LMBR1: variants seen among roughly 807,000 people sequenced by gnomAD.
The protein encoded by LMBR1 is limb development membrane protein 1.
A neutral mutation model predicts 73.9 loss-of-function variants in LMBR1; 52 were observed. That is an observed-to-expected ratio of 0.70 (90% CI 0.56 to 0.89). LMBR1 has a LOEUF of 0.89. Among genes scored for constraint, LMBR1 ranks in the 40% least tolerant of loss-of-function variants. The probability of loss-of-function intolerance (pLI) is 0.00; values close to 1 mark genes in which losing one functional copy is unlikely to be tolerated. For synonymous variants in LMBR1, 215 were observed against 209.4 expected, an observed-to-expected ratio of 1.03 and a Z score of -0.23; for missense variants, 539 against 579.8, an observed-to-expected ratio of 0.93 and a Z score of 0.72.
rs756783984 is a variant in LMBR1, at chr7:156,681,125, A to C, written c.*2953T>G. The stretch of plus-strand genomic sequence containing the variant: ...GTAAGAATTCTGCCTTTATGCATTA[A>C]ATAACGTGCTACCAACAAAACTAGC... On this transcript the variant is annotated 3_prime_UTR_variant, in exon 17 of 17. Transcript: ENST00000353442. 1 of 440,034 alleles carries C rather than the reference A, an allele frequency of 2.3e-6. No individual in the cohort carries two copies. 27.3% of individuals were successfully genotyped at this position (440,034 alleles called of 1,614,324 possible). A position where few individuals can be genotyped will look rare whatever the true frequency, so the allele number is the denominator to read the frequency against.
chr7:156,892,095 G>A (rs2134665149), intron 1 of LMBR1, among the ~76,000 whole-genome samples: 1 of 152,280 alleles, frequency 6.6e-6, no homozygotes, highest in East Asian at 1.9e-4. Context: ...AAACATCAAA[G>A]TAGACTTTCC....
chr7:156,724,875 A>G (rs2132379087), intron 14 of LMBR1, among the ~76,000 whole-genome samples: 1 of 151,858 alleles, frequency 6.6e-6, no homozygotes, highest in South Asian at 2.1e-4. Context: ...TTCAGCTCTT[A>G]TTAGTTATTC....
rs183846535 is a variant in LMBR1, at chr7:156,842,179, C to T, written c.67-5294G>A. ...CATACGGAGAGTGAGGGAAGAAGTG[C>T]TGCAGGGTAATAAGGAATCAGAGAG... On this transcript the variant is annotated intron_variant, in intron 1 of 16. Coordinates refer to ENST00000353442, the MANE Select transcript of LMBR1 (RefSeq NM_022458.4). Among the ~76,000 whole-genome samples the T allele has an allele frequency of 9.3e-5, 14 of 150,592 alleles. 2 individuals carry two copies. The highest frequency in any genetic ancestry group is 1.5e-4 in the Non-Finnish European group (10 of 67,556).
chr7:156,812,578 GTCTGA>G (rs1309756707), intron 4 of LMBR1, among the ~76,000 whole-genome samples: 1 of 152,166 alleles, frequency 6.6e-6, no homozygotes, highest in Non-Finnish European at 1.5e-5. Flanking sequence ...TCAGCCAACA[GTCTGA>G]AACCAAATTC....
chr7:156,792,197 G>T (rs971128176), intron 5 of LMBR1, among the ~76,000 whole-genome samples: 3 of 152,146 alleles, frequency 2.0e-5, no homozygotes, highest in African/African-American at 7.2e-5. Context: ...CAGCCAATCT[G>T]AGGTATGATA....
chr7:156,815,283 G>T (rs1833739271), intron 4 of LMBR1, among the ~76,000 whole-genome samples: 1 of 149,132 alleles, frequency 6.7e-6, no homozygotes, highest in Admixed American at 6.7e-5. Flanking sequence ...TTTCCTTAAA[G>T]AATTATTCTC....
At chr7:156,765,869 T>C (rs1211033246) in intron 5 of LMBR1, among the ~76,000 whole-genome samples, 2 of 152,172 alleles carry the variant, frequency 1.3e-5, no homozygotes, top group East Asian at 3.9e-4. Flanking sequence ...ACAGTGTTAA[T>C]AGTGTCTGAA....
chr7:156,739,806 T>A (rs1818565805), intron 9 of LMBR1, among the ~76,000 whole-genome samples: 1 of 152,104 alleles, frequency 6.6e-6, no homozygotes, highest in Admixed American at 6.5e-5. Flanking sequence ...CTGTGAAGAC[T>A]ACAATAAATA....
chr7:156,714,837 G>A (rs1812860545), intron 15 of LMBR1, among the ~76,000 whole-genome samples: 1 of 152,086 alleles, frequency 6.6e-6, no homozygotes, highest in African/African-American at 2.4e-5. Context: ...CATAAAGACT[G>A]ACTTACTAAA....
intron 5 of LMBR1, among the ~76,000 whole-genome samples, chr7:156,794,896 T>C (rs902729203): frequency 1.1e-4 from 16 of 152,068 alleles, no homozygotes; most frequent in African/African-American, 3.9e-4. Flanking sequence ...CTGCACAAAG[T>C]CTAAAATGCA....
In LMBR1 at chr7:156,893,011, G is replaced by C; in HGVS notation, c.-18C>G. 6.7e-7 allele frequency: 1 copy of C among 1,503,710 alleles called. No homozygotes were observed. Among genetic ancestry groups the C allele is most frequent in the Non-Finnish European group, 8.8e-7 (1 of 1,132,932 alleles). The allele number at this position is 1,503,710 out of a possible 1,614,324, so 93.1% of individuals were successfully genotyped here. ...CCTTCCATCCTCCTTCATGCCCGCCGCCGCGCCGCCCGCGTCCGCGTGCTC... is the reference window on the plus strand; with the variant it reads ...CCTTCCATCCTCCTTCATGCCCGCCCCCGCGCCGCCCGCGTCCGCGTGCTC... On this transcript the variant is annotated 5_prime_UTR_variant, in exon 1 of 17. Transcript: ENST00000353442.
intron 5 of LMBR1, among the ~76,000 whole-genome samples, chr7:156,792,629 C>T (rs1039945510): frequency 6.6e-6 from 1 of 152,170 alleles, no homozygotes; most frequent in African/African-American, 2.4e-5. Flanking sequence ...TATTGAAGGC[C>T]CTTAAAAGGA....
Position 156,779,042 on chromosome 7 carries a change from GGAA to G in LMBR1, c.424-15250_424-15248del, listed in dbSNP as rs895660557. Among the ~76,000 whole-genome samples the G allele has an allele frequency of 2.0e-5, 3 of 152,242 alleles. No homozygotes were observed. In the East Asian group the frequency reaches 5.8e-4, roughly 29 times the overall value. ...CAAAGTGGCAAAACACTGTAAACAAGGAAGAAGGTCTTCATTGTTCCTCTAGTG... is the reference window on the plus strand; with the variant it reads ...CAAAGTGGCAAAACACTGTAAACAAGGAAGGTCTTCATTGTTCCTCTAGTG... On this transcript the variant is annotated intron_variant, in intron 5 of 16. Coordinates refer to ENST00000353442, the MANE Select transcript of LMBR1 (RefSeq NM_022458.4).
chr7:156,770,461 A>G (rs1039540771), intron 5 of LMBR1, among the ~76,000 whole-genome samples: 1 of 152,258 alleles, frequency 6.6e-6, no homozygotes, highest in Non-Finnish European at 1.5e-5. Flanking sequence ...AAGTAACAAA[A>G]CAAGAATACT....
intron 1 of LMBR1, among the ~76,000 whole-genome samples, chr7:156,888,066 T>C (rs983638316): frequency 1.3e-5 from 2 of 152,184 alleles, no homozygotes; most frequent in African/African-American, 4.8e-5. Context: ...CTAGTGGGAA[T>C]ATAAAATGGT....
At chr7:156,862,982 TC>T (rs1797941889) in intron 1 of LMBR1, among the ~76,000 whole-genome samples, 1 of 152,184 alleles carries the variant, frequency 6.6e-6, no homozygotes, top group African/African-American at 2.4e-5. Flanking sequence ...GTCTCCATAA[TC>T]ACGGAGCCAA....
At chr7:156,691,175 G>A (rs531863763) in intron 15 of LMBR1, among the ~76,000 whole-genome samples, 1 of 152,106 alleles carries the variant, frequency 6.6e-6, no homozygotes, top group Non-Finnish European at 1.5e-5. Context: ...ATCAAATGTT[G>A]TTAACTCCCT....
chr7:156,735,077 C>T lies in LMBR1; in HGVS notation c.758-820G>A, dbSNP rs527922729. Among the ~76,000 whole-genome samples the T allele has an allele frequency of 5.9e-5, 9 of 152,282 alleles. No homozygotes were observed. The East Asian group carries it at 1.7e-3, about 29-fold the overall frequency. On this transcript the variant is annotated intron_variant, in intron 9 of 16. Transcript: ENST00000353442. ...CTTTTTGCCACTAGAAACAGTGTTG[C>T]AATAAACATTCTTGTATGCCCATCC...
intron 1 of LMBR1, among the ~76,000 whole-genome samples, chr7:156,867,350 G>A (rs1343833785): frequency 6.6e-6 from 1 of 152,194 alleles, no homozygotes; most frequent in Non-Finnish European, 1.5e-5. Flanking sequence ...TGGAAAACAG[G>A]TTGGCAGTTC....
Sources: gnomAD v4.1 joint callset for allele counts (sites outside exome capture counted in the v4.1 genomes callset) on GRCh38, gnomAD v4.1.1 for gene constraint, MANE v1.5 for transcripts, NCBI Gene and HGNC (gene_info 2026-07-23, HGNC 2026-07-21) for gene names.